The following CSMD1 variants were observed in gnomAD, a reference collection of about 807,000 sequenced individuals.
The protein encoded by CSMD1 is CUB and sushi domain-containing protein 1.
A neutral mutation model predicts 417.5 loss-of-function variants in CSMD1; 213 were observed. The ratio of observed to expected loss-of-function variants is 0.51; its 90% confidence interval spans 0.46 to 0.57. The LOEUF (loss-of-function observed/expected upper bound fraction) is 0.57. CSMD1 is among the 20% of genes least tolerant of loss of function. The pLI is 0.00. For missense variants in CSMD1, 6,923 were observed against 4,529.7 expected, an observed-to-expected ratio of 1.53 and a Z score of -15.17; for synonymous variants, 2,862 against 1,736.8, an observed-to-expected ratio of 1.65 and a Z score of -16.11.
rs1057148336 is a variant in CSMD1, at chr8:3,003,961, G to C, written c.8030-3830C>G. On this transcript the variant is annotated intron_variant, in intron 52 of 69. Coordinates refer to ENST00000635120, the MANE Select transcript of CSMD1 (RefSeq NM_033225.6). ...CTAGGAGGGTGACCATTTGCATCCT[G>C]TCCAGCTTAGTACATAGTAGGTGTC... Among the ~76,000 whole-genome samples the C allele has an allele frequency of 2.0e-5, 3 of 152,314 alleles. No individual in the cohort carries two copies. The East Asian group carries it at 5.8e-4, about 29-fold the overall frequency.
intron 1 of CSMD1, among the ~76,000 whole-genome samples, chr8:4,647,403 G>T (rs7823662): frequency 7.6e-6 from 1 of 131,284 alleles, no homozygotes; most frequent in Non-Finnish European, 1.6e-5. Context: ...AGGTCTGTTA[G>T]GTAGGTACGC....
At chr8:4,723,227 T>G (rs951221057) in intron 1 of CSMD1, among the ~76,000 whole-genome samples, 1 of 152,132 alleles carries the variant, frequency 6.6e-6, no homozygotes, top group Non-Finnish European at 1.5e-5. Flanking sequence ...ACGGCTCCTT[T>G]TAAAGACATT....
At chr8:4,409,597 C>T (rs530307329) in intron 3 of CSMD1, among the ~76,000 whole-genome samples, 1 of 151,318 alleles carries the variant, frequency 6.6e-6, no homozygotes, top group Non-Finnish European at 1.5e-5. Context: ...GTTCTGTGTA[C>T]TCTGACTTAG....
intron 5 of CSMD1, among the ~76,000 whole-genome samples, chr8:3,989,307 C>T (rs1280471900): frequency 6.6e-6 from 1 of 152,168 alleles, no homozygotes; most frequent in South Asian, 2.1e-4. Context: ...CAGCCTAAGT[C>T]TCACTCAAAC....
intron 1 of CSMD1, among the ~76,000 whole-genome samples, chr8:4,848,340 G>A (rs1470785286): frequency 2.0e-5 from 3 of 152,156 alleles, no homozygotes; most frequent in Non-Finnish European, 4.4e-5. Flanking sequence ...TTTTGGTCAA[G>A]GATGGGCCAC....
intron 9 of CSMD1, among the ~76,000 whole-genome samples, chr8:3,576,537 A>G (rs1287954649): frequency 1.3e-5 from 2 of 152,202 alleles, no homozygotes; most frequent in Non-Finnish European, 2.9e-5. Flanking sequence ...GGAAATAATT[A>G]GCTAAAATTG....
chr8:4,405,146 G>A (rs973311111), intron 3 of CSMD1, among the ~76,000 whole-genome samples: 4 of 152,146 alleles, frequency 2.6e-5, no homozygotes, highest in South Asian at 4.1e-4. Flanking sequence ...CATAGGAGAA[G>A]TACTCTTACT....
chr8:3,636,670 C>T lies in CSMD1; in HGVS notation c.1010-19873G>A, dbSNP rs144137164. 1.9e-3 allele frequency among the ~76,000 whole-genome samples: 290 copies of T among 152,330 alleles called. 1 individual carries two copies. Among genetic ancestry groups the T allele is most frequent in the African/African-American group, 6.7e-3 (277 of 41,586 alleles). On this transcript the variant is annotated intron_variant, in intron 7 of 69. Transcript: ENST00000635120. ...ACGCAGAGATGCTCTTCTCCCTAGT[C>T]TTGATCCTGTGGAGAGGTGAAGCCT...
chr8:4,454,619 G>C (rs1658813), intron 2 of CSMD1, among the ~76,000 whole-genome samples: 50,376 of 152,080 alleles, frequency 0.33, 9,224 homozygotes, highest in East Asian at 0.76. Context: ...CATAGCAGAA[G>C]GAAGCTGATA....
intron 5 of CSMD1, among the ~76,000 whole-genome samples, chr8:3,809,548 G>A (rs759732684): frequency 6.6e-6 from 1 of 152,148 alleles, no homozygotes; most frequent in South Asian, 2.1e-4. Flanking sequence ...ACATTGCCAT[G>A]CATCGGATTC....
chr8:4,083,641 T>G (rs962385219), intron 3 of CSMD1, among the ~76,000 whole-genome samples: 2 of 152,152 alleles, frequency 1.3e-5, no homozygotes, highest in African/African-American at 2.4e-5. Flanking sequence ...TAGCCATATG[T>G]AGAAAGCTGA....
chr8:4,619,986 T>C (rs1801679760), intron 2 of CSMD1, among the ~76,000 whole-genome samples: 2 of 152,054 alleles, frequency 1.3e-5, no homozygotes. Flanking sequence ...TGAGGCATAA[T>C]TACAAATATG....
rs1464840753 is a variant in CSMD1 at position 3,387,613 on chromosome 8, T to C, written c.2663A>G (p.Asp888Gly). ...AGTCACTGTGGACCTGATGCCAAAG[T>C]CTCCACCGTGGCGATGGCCGTTCAC... ...IPVNGHRHGG[D>G]FGIRSTVTFS... Residue 888 changes from aspartate to glycine, a missense_variant, in exon 18 of 70, where the codon GAC (aspartate) becomes GGC (glycine). Physicochemically the swap from Asp to Gly is moderately conservative, Grantham distance 94. Coordinates refer to ENST00000635120, the MANE Select transcript of CSMD1 (RefSeq NM_033225.6). The C allele has an allele frequency of 2.5e-6, 4 of 1,601,442 alleles. No homozygotes were observed. Among genetic ancestry groups the C allele is most frequent in the Admixed American group, 1.7e-5 (1 of 58,388 alleles).
chr8:4,095,268 G>C (rs936183659), intron 3 of CSMD1, among the ~76,000 whole-genome samples: 1 of 152,116 alleles, frequency 6.6e-6, no homozygotes, highest in African/African-American at 2.4e-5. Context: ...TTCCTCCGAG[G>C]AGATTAAAAT....
At chr8:4,508,634 C>T (rs964432527) in intron 2 of CSMD1, among the ~76,000 whole-genome samples, 1 of 151,944 alleles carries the variant, frequency 6.6e-6, no homozygotes, top group Non-Finnish European at 1.5e-5. Flanking sequence ...ATGTTTCCTC[C>T]TTACCAACCC....
At chr8:2,950,914 T>A (rs1802582996) in intron 66 of CSMD1, among the ~76,000 whole-genome samples, 200 bp downstream of exon 66, 1 of 152,196 alleles carries the variant, frequency 6.6e-6, no homozygotes, top group Non-Finnish European at 1.5e-5. Context: ...TTCACTTTTC[T>A]GTACTCGTTT....
In CSMD1 at chr8:3,066,198, G is replaced by A. The variant is rs368623547; in HGVS notation, c.7475-13551C>T. Reference sequence around the variant, plus strand: ...ACAATTCTCTTGGCACTTAAACTCCGCTTCATTAACTTTTCTACTACAACA... The same window carrying A: ...ACAATTCTCTTGGCACTTAAACTCCACTTCATTAACTTTTCTACTACAACA... On this transcript the variant is annotated intron_variant, in intron 49 of 69. Coordinates refer to ENST00000635120, the MANE Select transcript of CSMD1 (RefSeq NM_033225.6). Among the ~76,000 whole-genome samples, 128 of 152,206 alleles carry A rather than the reference G, an allele frequency of 8.4e-4. 4 individuals are homozygous for A. The South Asian group carries it at 0.024, about 29-fold the overall frequency.
At chr8:4,241,125 C>G (rs940275122) in intron 3 of CSMD1, among the ~76,000 whole-genome samples, 3 of 152,052 alleles carry the variant, frequency 2.0e-5, no homozygotes, top group African/African-American at 4.8e-5. Flanking sequence ...TTCAATGAAC[C>G]CTAGCTTCAC....
chr8:4,138,921 C>A (rs1803604833), intron 3 of CSMD1, among the ~76,000 whole-genome samples: 1 of 152,068 alleles, frequency 6.6e-6, no homozygotes, highest in Non-Finnish European at 1.5e-5. Flanking sequence ...GTCCTGCAAG[C>A]TTCTATTTAT....
Sources: allele counts gnomAD v4.1 joint callset (sites outside exome capture counted in the v4.1 genomes callset), GRCh38; gene constraint gnomAD v4.1.1; transcripts MANE v1.5; gene names NCBI Gene and HGNC (gene_info 2026-07-23, HGNC 2026-07-21).